Variants in REPS1 observed in about 807,000 individuals in gnomAD.
The protein encoded by REPS1 is RALBP1 associated Eps domain containing 1, also known as ralBP1-associated Eps domain-containing protein 1.
REPS1 carries 39 observed loss-of-function variants against 100.9 expected under a neutral mutation model. That is an observed-to-expected ratio of 0.39 (90% CI 0.30 to 0.50). The LOEUF is 0.50. Ranked by LOEUF, REPS1 falls within the 20% of genes least tolerant of loss-of-function variation. The pLI, the probability that REPS1 is intolerant of heterozygous loss-of-function variation, is 0.86. For synonymous variants in REPS1, 324 were observed against 340.3 expected, an observed-to-expected ratio of 0.95 and a Z score of 0.53; for missense variants, 821 against 968.5, an observed-to-expected ratio of 0.85 and a Z score of 2.02.
chr6:138,913,732 C>T (rs1372848348), intron 15 of REPS1, among the ~76,000 whole-genome samples: 1 of 152,194 alleles, frequency 6.6e-6, no homozygotes, highest in Non-Finnish European at 1.5e-5. Context: ...CTCATCACTC[C>T]ACACATCTAC....
chr6:138,906,275 T>C (rs1779645368), intron 19 of REPS1, among the ~76,000 whole-genome samples: 2 of 152,230 alleles, frequency 1.3e-5, no homozygotes, highest in Admixed American at 6.5e-5. Context: ...GCCTAAAATA[T>C]GATCTAGGTT....
At chr6:138,932,998 T>A (rs1381349280) in intron 8 of REPS1, among the ~76,000 whole-genome samples, 1 of 152,206 alleles carries the variant, frequency 6.6e-6, no homozygotes, top group Non-Finnish European at 1.5e-5. Context: ...TAATGAAAGA[T>A]GTCAACATCT....
At chr6:138,918,093 TTGTG>T (rs372510753) in intron 12 of REPS1, among the ~76,000 whole-genome samples, 1 of 150,132 alleles carries the variant, frequency 6.7e-6, no homozygotes, top group African/African-American at 2.5e-5. Flanking sequence ...GTGTGTATGT[TTGTG>T]TGTGTGTGTG....
At chr6:138,985,883 C>T (rs1236557053) in intron 1 of REPS1, among the ~76,000 whole-genome samples, 1 of 152,234 alleles carries the variant, frequency 6.6e-6, no homozygotes, top group Non-Finnish European at 1.5e-5. Flanking sequence ...TATTTCAACT[C>T]TTTCTCACCT....
intron 1 of REPS1, among the ~76,000 whole-genome samples, chr6:138,980,512 TTCTCTCTA>T (rs1178724652): frequency 6.6e-6 from 1 of 151,770 alleles, no homozygotes; most frequent in Non-Finnish European, 1.5e-5. Context: ...CCCTTCCCAG[TTCTCTCTA>T]TATGAAACAC....
chr6:138,925,952 C>T (rs1481021944), intron 10 of REPS1, among the ~76,000 whole-genome samples: 2 of 152,098 alleles, frequency 1.3e-5, no homozygotes, highest in Non-Finnish European at 2.9e-5. Context: ...CAGGACTCAA[C>T]ATACTAATTA....
At chr6:138,924,402 T>C (rs764820790) in intron 10 of REPS1, among the ~76,000 whole-genome samples, 12 of 152,174 alleles carry the variant, frequency 7.9e-5, no homozygotes, top group Non-Finnish European at 1.2e-4. Context: ...CTGAATATTA[T>C]TTCCAAGAAA....
At chr6:138,956,089 A>C (rs1383534614) in intron 1 of REPS1, among the ~76,000 whole-genome samples, 1 of 152,278 alleles carries the variant, frequency 6.6e-6, no homozygotes, top group African/African-American at 2.4e-5. Context: ...TTTCTGATGG[A>C]AAGCCTTCTA....
chr6:138,932,705 G>A (rs1311539867), intron 8 of REPS1, among the ~76,000 whole-genome samples: 1 of 152,114 alleles, frequency 6.6e-6, no homozygotes, highest in Non-Finnish European at 1.5e-5. Flanking sequence ...CTTTTTTCGT[G>A]GAACACCATT....
chr6:138,942,914 C>G (rs1054324835), intron 7 of REPS1, among the ~76,000 whole-genome samples: 3 of 151,574 alleles, frequency 2.0e-5, no homozygotes, highest in Non-Finnish European at 4.4e-5. Flanking sequence ...GCCACCATGC[C>G]CGGCTAATTT....
intron 8 of REPS1, among the ~76,000 whole-genome samples, chr6:138,939,218 T>C (rs1477865502): frequency 6.6e-6 from 1 of 152,162 alleles, no homozygotes. Flanking sequence ...GAATGTAATA[T>C]AATACCGTGT....
At chr6:138,925,021 C>T (rs1310186121) in intron 10 of REPS1, among the ~76,000 whole-genome samples, 1 of 152,030 alleles carries the variant, frequency 6.6e-6, no homozygotes, top group Admixed American at 6.6e-5. Flanking sequence ...TAACAGCAGC[C>T]TCTAGATTTC....
chr6:138,923,068 G>A (rs1780884636), intron 10 of REPS1, among the ~76,000 whole-genome samples: 1 of 152,036 alleles, frequency 6.6e-6, no homozygotes, highest in South Asian at 2.1e-4. Flanking sequence ...CCTAACATTT[G>A]CCCTACAACT....
At chr6:138,912,606 T>A in intron 16 of REPS1, 159 bp downstream of exon 16, 2 of 694,018 alleles carry the variant, frequency 2.9e-6, no homozygotes, top group East Asian at 2.8e-5. Context: ...AGCATTACAC[T>A]GCAACCAGCA....
intron 12 of REPS1, among the ~76,000 whole-genome samples, chr6:138,919,774 T>A (rs1048411304): frequency 6.6e-6 from 1 of 152,246 alleles, no homozygotes; most frequent in Non-Finnish European, 1.5e-5. Context: ...TTATTCACAG[T>A]ATTAGTTACT....
intron 8 of REPS1, among the ~76,000 whole-genome samples, chr6:138,933,026 C>A (rs1781581620): frequency 6.6e-6 from 1 of 152,100 alleles, no homozygotes; most frequent in South Asian, 2.1e-4. Context: ...CTGTGTAACT[C>A]AATGAACTGA....
chr6:138,935,733 A>G (rs921005764), intron 8 of REPS1, among the ~76,000 whole-genome samples: 1 of 151,720 alleles, frequency 6.6e-6, no homozygotes, highest in Non-Finnish European at 1.5e-5. Context: ...GCATGCCTGT[A>G]ATCCCAGCTA....
intron 1 of REPS1, among the ~76,000 whole-genome samples, chr6:138,980,869 G>A (rs1784911229): frequency 6.6e-6 from 1 of 151,944 alleles, no homozygotes; most frequent in Admixed American, 6.6e-5. Context: ...TTTTCTTTTC[G>A]ACATTGGCAC....
In REPS1 at chr6:138,905,033, A is replaced by C. The variant is rs192538233; in HGVS notation, c.*31T>G. On this transcript the variant is annotated 3_prime_UTR_variant, in exon 20 of 20. Transcript: ENST00000450536. ...GCTTTGAACCCAAAACCACTTAAAA[A>C]CAAGTATGTTCACAGTTAACGGCAA... 27 of 1,610,440 alleles carry C rather than the reference A, an allele frequency of 1.7e-5. No homozygotes were observed. In the East Asian group the frequency reaches 5.1e-4, roughly 31 times the overall value.
Sources: gnomAD v4.1 joint callset for allele counts (sites outside exome capture counted in the v4.1 genomes callset) on GRCh38, gnomAD v4.1.1 for gene constraint, MANE v1.5 for transcripts, NCBI Gene and HGNC (gene_info 2026-07-23, HGNC 2026-07-21) for gene names.